The following MTR variants were observed in gnomAD, a reference collection of about 807,000 sequenced individuals.
MTR encodes the protein methionine synthase.
Under a neutral mutation model 154.8 loss-of-function variants are expected in MTR, and 84 were observed. The ratio of observed to expected loss-of-function variants is 0.54; its 90% CI spans 0.45 to 0.65. The LOEUF (loss-of-function observed/expected upper bound fraction) is 0.65. Among genes scored for constraint, MTR ranks in the 30% least tolerant of loss-of-function variants. MTR has a pLI of 0.00. For synonymous variants in MTR, 554 were observed against 553.9 expected, an observed-to-expected ratio of 1.00 and a Z score of 0.00; for missense variants, 1,275 against 1,570.2, an observed-to-expected ratio of 0.81 and a Z score of 3.18.
At position 236,897,617 on chromosome 1, in the gene MTR, A is replaced by T. The variant is rs188978680; in HGVS notation, c.3771A>T (p.Gly1257=). The T allele has an allele frequency of 6.2e-7, 1 of 1,612,360 alleles. No individual in the cohort carries two copies. The highest frequency in any genetic ancestry group is 1.7e-5 in the Admixed American group (1 of 59,880). ...ISVAEVEKWL[G]PILGYDTD is the part of the protein sequence containing the mutation. The stretch of plus-strand genomic sequence containing the variant: ...TGGCTGAGGTTGAGAAATGGCTTGG[A>T]CCCATTTTGGGATATGATACAGACT... Residue 1257 remains glycine, a synonymous_variant, in exon 33 of 33, where the codon GGA becomes GGT. Transcript: ENST00000366577.
rs537133947 is a variant in MTR, at chr1:236,861,231, A to T, written c.2150A>T (p.Lys717Ile). ...GAAGGACCCCTGATGAATGGAATGA[A>T]AATTGTTGGTGATCTTTTTGGAGCT... is the stretch of plus-strand genomic sequence containing the variant. Reference protein sequence around the residue: ...IIEGPLMNGMKIVGDLFGAGK... With the variant: ...IIEGPLMNGMIIVGDLFGAGK... Residue 717 changes from lysine to isoleucine, a missense_variant, in exon 20 of 33, where the codon AAA becomes ATA. Coordinates refer to ENST00000366577, the MANE Select transcript of MTR (RefSeq NM_000254.3). The T allele has an allele frequency of 6.2e-7, 1 of 1,613,902 alleles. No homozygotes were observed. The highest frequency in any genetic ancestry group is 2.2e-5 in the East Asian group (1 of 44,856).
chr1:236,797,929 T>G (rs60038485), intron 1 of MTR, among the ~76,000 whole-genome samples: 24,646 of 148,102 alleles, frequency 0.17, 4,360 homozygotes, highest in African/African-American at 0.45. Context: ...CTGCACTCCA[T>G]CCTGGGTGAG....
rs1009212041 is a variant in MTR, at chr1:236,874,805, T to G, written c.2553T>G (p.Ala851=). The G allele has an allele frequency of 8.7e-6, 14 of 1,613,788 alleles. No individual in the cohort carries two copies. Among genetic ancestry groups the G allele is most frequent in the Non-Finnish European group, 1.1e-5 (13 of 1,179,820 alleles). Residue 851 remains alanine (A), a synonymous_variant, in exon 24 of 33, where the codon GCT becomes GCG. Coordinates refer to ENST00000366577, the MANE Select transcript of MTR (RefSeq NM_000254.3). The stretch of plus-strand genomic sequence containing the variant: ...TTGCCAAGGAAATGGAGAGATTAGC[T>G]ATAAGGATTCCATTGTTGATTGGAG... ...IFVAKEMERL[A]IRIPLLIGGA... is the part of the protein sequence containing the mutation.
Position 236,887,416 on chromosome 1 carries a change from T to TAAAAAAA in MTR, c.2851+1050_2851+1051insAAAAAAA, listed in dbSNP as rs1388452397. On this transcript the variant is annotated intron_variant, in intron 27 of 32. Coordinates refer to ENST00000366577, the MANE Select transcript of MTR (RefSeq NM_000254.3). ...GTTTTTACCACGTAAAAAAAGGAGT[T>TAAAAAAA]ACTTTTTGGAAATGTTGTGAGGGTA... Among the ~76,000 whole-genome samples the TAAAAAAA allele has an allele frequency of 2.6e-4, 39 of 152,356 alleles. No homozygotes were observed. In the East Asian group the frequency reaches 6.4e-3, roughly 25 times the overall value.
intron 15 of MTR, among the ~76,000 whole-genome samples, chr1:236,847,964 T>TA (rs1211185483): frequency 6.6e-6 from 1 of 152,184 alleles, no homozygotes; most frequent in East Asian, 1.9e-4. Flanking sequence ...TGGTGAACCT[T>TA]ACGTGATATG....
intron 8 of MTR, among the ~76,000 whole-genome samples, chr1:236,822,713 G>C (rs1332662259): frequency 6.6e-6 from 1 of 152,182 alleles, no homozygotes; most frequent in African/African-American, 2.4e-5. Flanking sequence ...ATAATTGCTT[G>C]TTAGTTCAAG....
chr1:236,819,003 CAG>C (rs550980878), intron 8 of MTR, among the ~76,000 whole-genome samples: 10 of 152,272 alleles, frequency 6.6e-5, no homozygotes, highest in South Asian at 4.1e-4. Context: ...AAATGGGAGA[CAG>C]AGTTTTCTTT....
chr1:236,863,608 T>C (rs1664672328), intron 22 of MTR, 54 bp downstream of exon 22: 1 of 1,469,270 alleles, frequency 6.8e-7, no homozygotes, highest in Admixed American at 1.7e-5. Flanking sequence ...AATGAAAGCC[T>C]TTTAACAGAA....
At chr1:236,897,310 G>GCGCACGCGCACACACACACACACACA in intron 32 of MTR, among the ~76,000 whole-genome samples, 192 bp downstream of exon 32, 1 of 128,614 alleles carries the variant, frequency 7.8e-6, no homozygotes, top group Non-Finnish European at 1.7e-5. Context: ...CCACACACAC[G>GCGCACGCGCACACACACACACACACA]CACACACACA....
At chr1:236,845,295 GA>G (rs528234112) in intron 15 of MTR, among the ~76,000 whole-genome samples, 10 of 151,976 alleles carry the variant, frequency 6.6e-5, no homozygotes, top group African/African-American at 1.2e-4. Flanking sequence ...GCAAATGTAG[GA>G]AAAAAAATTA....
chr1:236,894,208 G>A (rs1399516279), intron 29 of MTR, 149 bp from the exon 30 acceptor site: 2 of 716,302 alleles, frequency 2.8e-6, no homozygotes, highest in East Asian at 5.4e-5. Flanking sequence ...TCCAAGTACT[G>A]GGGATGTAAC....
At chr1:236,881,362 T>C (rs914925194) in intron 25 of MTR, among the ~76,000 whole-genome samples, 11 of 152,164 alleles carry the variant, frequency 7.2e-5, no homozygotes, top group Non-Finnish European at 1.5e-4. Flanking sequence ...ACATTCTATC[T>C]TGTTATAGGT....
At chr1:236,804,958 G>A (rs755361851) in intron 2 of MTR, among the ~76,000 whole-genome samples, 27 of 151,652 alleles carry the variant, frequency 1.8e-4, no homozygotes, top group Non-Finnish European at 3.8e-4. Context: ...TTCCATGTCA[G>A]TATTTGTAGA....
At chr1:236,887,007 C>T (rs531242100) in intron 27 of MTR, among the ~76,000 whole-genome samples, 2 of 152,160 alleles carry the variant, frequency 1.3e-5, no homozygotes, top group African/African-American at 4.8e-5. Context: ...AATTTCTAGC[C>T]ACCTTTCTTG....
Position 236,862,399 on chromosome 1 carries a change from AGGTGGTGGTAG to A in MTR, c.2304+59_2304+69del. The A allele has an allele frequency of 2.8e-6, 4 of 1,407,832 alleles. No individual in the cohort carries two copies. The South Asian group carries it at 4.6e-5, about 16-fold the overall frequency. The allele number at this position is 1,407,832 out of a possible 1,614,324, so 87.2% of individuals were successfully genotyped here. A position where few individuals can be genotyped will look rare whatever the true frequency, so the allele number is the denominator to read the frequency against. On this transcript the variant is annotated intron_variant, in intron 21 of 32. Coordinates refer to ENST00000366577, the MANE Select transcript of MTR (RefSeq NM_000254.3). ...TTAGTGGGTTGACCTGGAAGACTTG[AGGTGGTGGTAG>A]GGGCCTAAGCAGTCAGGGTTGGCTG...
Position 236,899,806 on chromosome 1 carries a change from C to T in MTR, c.*2162C>T, listed in dbSNP as rs1666841268. The T allele has an allele frequency of 6.6e-6, 1 of 152,250 alleles. No homozygotes were observed. 9.4% of individuals were successfully genotyped at this position (152,250 alleles called of 1,614,324 possible). A position where few individuals can be genotyped will look rare whatever the true frequency, so the allele number is the denominator to read the frequency against. ...AAATAGAAAAATAGTGAAGACTACA[C>T]AAGAGGAAATAGGGCTTTTAAATAA... On this transcript the variant is annotated 3_prime_UTR_variant, in exon 33 of 33. Coordinates refer to ENST00000366577, the MANE Select transcript of MTR (RefSeq NM_000254.3).
intron 15 of MTR, among the ~76,000 whole-genome samples, chr1:236,844,515 C>T (rs1168639113): frequency 6.8e-6 from 1 of 146,108 alleles, no homozygotes; most frequent in African/African-American, 2.5e-5. Context: ...GATGCTGTGA[C>T]AACATGTTTT....
chr1:236,868,856 C>G (rs1051192654), intron 22 of MTR, among the ~76,000 whole-genome samples: 1 of 152,156 alleles, frequency 6.6e-6, no homozygotes, highest in South Asian at 2.1e-4. Context: ...GTCAAAGATA[C>G]GGTAATGCAG....
chr1:236,827,132 A>AGCAG (rs1465463444), intron 11 of MTR, among the ~76,000 whole-genome samples: 1 of 152,198 alleles, frequency 6.6e-6, no homozygotes, highest in East Asian at 1.9e-4. Context: ...TCCTTTTAAG[A>AGCAG]GCAGGACACA....
Sources: gnomAD v4.1 joint callset for allele counts (sites outside exome capture counted in the v4.1 genomes callset) on GRCh38, gnomAD v4.1.1 for gene constraint, MANE v1.5 for transcripts, NCBI Gene and HGNC (gene_info 2026-07-23, HGNC 2026-07-21) for gene names.